HIVEP3: variants seen among roughly 807,000 people sequenced by gnomAD.
HIVEP3 encodes transcription factor HIVEP3.
In HIVEP3, 49 loss-of-function variants were observed where a neutral mutation model predicts 152.8. That is an observed-to-expected ratio of 0.32 (90% confidence interval 0.26 to 0.41). HIVEP3 has a LOEUF of 0.41. Among genes scored for constraint, HIVEP3 ranks in the 10% least tolerant of loss-of-function variants. The pLI is 1.00. For synonymous variants in HIVEP3, 1,269 were observed against 1,289.0 expected (o/e 0.98, Z 0.33); for missense variants, 2,790 against 3,103.3 (o/e 0.90, Z 2.40).
intron 5 of HIVEP3, among the ~76,000 whole-genome samples, chr1:41,572,660 T>A (rs539445434): frequency 6.6e-6 from 1 of 152,310 alleles, no homozygotes; most frequent in East Asian, 1.9e-4. Flanking sequence ...ATTAAGTAGA[T>A]CCTCCTCCCT....
intron 3 of HIVEP3, among the ~76,000 whole-genome samples, chr1:41,609,972 C>A (rs1486770467): frequency 6.6e-6 from 1 of 152,212 alleles, no homozygotes; most frequent in Non-Finnish European, 1.5e-5. Context: ...TATGAGTGAG[C>A]CTCATCCACT....
In HIVEP3 at chr1:41,582,133, G is replaced by A. The variant is rs1644420633; in HGVS notation, c.2665C>T (p.Arg889Cys). The change falls in exon 4 of 9, where the codon CGC becomes TGC. Residue 889 changes from arginine to cysteine, a missense_variant. By Grantham distance (180) the Arg-to-Cys change is radical. Transcript: ENST00000372583. This position sits in a 1 kb window ranked among gnomAD's most constrained non-coding sequence, Gnocchi z 4.7. ...EKTEEFQWPQ[R>C]SQTLAQLPAE... ...GGGAGCTGGGCAAGTGTCTGGCTGC[G>A]CTGGGGCCATTGGAACTCCTCAGTC... is the stretch of plus-strand genomic sequence containing the variant. 6 of 1,614,062 alleles carry A rather than the reference G, an allele frequency of 3.7e-6. No individual in the cohort carries two copies. The highest frequency in any genetic ancestry group is 1.1e-5 in the South Asian group (1 of 91,064).
chr1:41,763,471 T>A (rs1421862148), intron 1 of HIVEP3, among the ~76,000 whole-genome samples: 4 of 152,186 alleles, frequency 2.6e-5, no homozygotes, highest in Admixed American at 6.5e-5. Context: ...TCAAGTTGGA[T>A]GCCCCACCCC....
At chr1:41,720,915 G>A (rs571442034) in intron 1 of HIVEP3, among the ~76,000 whole-genome samples, 1 of 152,298 alleles carries the variant, frequency 6.6e-6, no homozygotes, top group East Asian at 1.9e-4. Flanking sequence ...TGAACCTGGA[G>A]GACATTATGC....
upstream of HIVEP3, among the ~76,000 whole-genome samples, chr1:41,922,271 A>C (rs1644945587): frequency 6.6e-6 from 1 of 152,232 alleles, no homozygotes; most frequent in African/African-American, 2.4e-5. Flanking sequence ...AAAGAAAATC[A>C]GACTAATACC....
At chr1:41,619,569 G>C (rs968300477) in intron 3 of HIVEP3, among the ~76,000 whole-genome samples, 1 of 152,128 alleles carries the variant, frequency 6.6e-6, no homozygotes, top group African/African-American at 2.4e-5. Context: ...GTCTAAGTAG[G>C]GCCGAAGGTA....
intron 1 of HIVEP3, among the ~76,000 whole-genome samples, chr1:41,804,005 G>A (rs889843435): frequency 6.6e-6 from 1 of 151,980 alleles, no homozygotes; most frequent in African/African-American, 2.4e-5. Flanking sequence ...ACCTGTCCAT[G>A]GCTTTATTTT....
intron 5 of HIVEP3, among the ~76,000 whole-genome samples, chr1:41,575,325 C>G (rs1490723758): frequency 6.6e-6 from 1 of 152,124 alleles, no homozygotes; most frequent in East Asian, 1.9e-4. Flanking sequence ...TCAACAAATA[C>G]CCAGCATCAC....
intron 1 of HIVEP3, among the ~76,000 whole-genome samples, chr1:41,860,921 AAAG>A (rs1192104601): frequency 2.0e-4 from 31 of 152,356 alleles, no homozygotes; most frequent in African/African-American, 6.0e-4. Context: ...AATAAAGCAA[AAAG>A]AAGAACATCT....
chr1:41,688,821 G>GT (rs749429537), intron 2 of HIVEP3, among the ~76,000 whole-genome samples: 4,090 of 144,258 alleles, frequency 0.028, 64 homozygotes, highest in Middle Eastern at 0.046. Context: ...AAACGGATCT[G>GT]TTTTTTTTTT....
intron 1 of HIVEP3, among the ~76,000 whole-genome samples, chr1:41,772,198 A>G (rs950456412): frequency 6.6e-6 from 1 of 152,180 alleles, no homozygotes; most frequent in Non-Finnish European, 1.5e-5. Context: ...ACACCAGGAA[A>G]TCTACACTTG....
chr1:41,558,492 G>A (rs1644003600), intron 5 of HIVEP3, among the ~76,000 whole-genome samples: 1 of 152,208 alleles, frequency 6.6e-6, no homozygotes, highest in Non-Finnish European at 1.5e-5. Context: ...TAGATCTGCT[G>A]ACATTCTGAA....
At chr1:41,820,211 C>G (rs1642552256) in intron 1 of HIVEP3, among the ~76,000 whole-genome samples, 1 of 152,118 alleles carries the variant, frequency 6.6e-6, no homozygotes, top group Admixed American at 6.5e-5. Context: ...CGTATCTGTC[C>G]ATTTCTACTT....
chr1:41,951,560 T>A (rs1645107445), intron 1 of HIVEP3, among the ~76,000 whole-genome samples: 1 of 152,194 alleles, frequency 6.6e-6, no homozygotes, highest in Non-Finnish European at 1.5e-5. Flanking sequence ...TTGGTGTGTG[T>A]ATTAGTCTGT....
chr1:41,977,119 G>A (rs984600174), intron 1 of HIVEP3, among the ~76,000 whole-genome samples: 2 of 152,170 alleles, frequency 1.3e-5, no homozygotes, highest in Non-Finnish European at 1.5e-5. Flanking sequence ...CTGAGTGGTG[G>A]GGAGAATGAG....
chr1:41,831,336 T>C (rs1334081979), intron 1 of HIVEP3, among the ~76,000 whole-genome samples: 1 of 152,162 alleles, frequency 6.6e-6, no homozygotes, highest in Non-Finnish European at 1.5e-5. Context: ...TGAGCCTCAG[T>C]TTTCTCATCT....
At chr1:41,874,395 CA>C (rs1644132344) in intron 1 of HIVEP3, among the ~76,000 whole-genome samples, 2 of 152,190 alleles carry the variant, frequency 1.3e-5, no homozygotes, top group African/African-American at 4.8e-5. Context: ...CTGGCTAGCA[CA>C]TAAACCTGTC....
At chr1:41,992,638 GA>G in intron 1 of HIVEP3, among the ~76,000 whole-genome samples, 1 of 133,272 alleles carries the variant, frequency 7.5e-6, no homozygotes, top group Non-Finnish European at 1.6e-5. Context: ...CACAGAATTG[GA>G]AAAAACTACT....
At chr1:41,709,006 G>C (rs908668748) in intron 1 of HIVEP3, among the ~76,000 whole-genome samples, 1 of 152,164 alleles carries the variant, frequency 6.6e-6, no homozygotes. Flanking sequence ...CTTTCTCAGG[G>C]GTTCTGGGAA....
Sources: gnomAD v4.1 joint callset for allele counts (sites outside exome capture counted in the v4.1 genomes callset) on GRCh38, gnomAD v4.1.1 for gene constraint, Gnocchi (gnomAD v3.1) non-coding constraint, MANE v1.5 for transcripts, NCBI Gene and HGNC (gene_info 2026-07-23, HGNC 2026-07-21) for gene names.